Variants in EXOC1 observed in about 807,000 individuals in gnomAD.
EXOC1 encodes the protein SEC3-like 1.
Under a neutral mutation model 107.7 loss-of-function variants are expected in EXOC1, and 67 were observed. The observed-to-expected ratio is 0.62, with a 90% CI of 0.51 to 0.76. The LOEUF is 0.76. Ranked by LOEUF, EXOC1 falls within the 30% of genes least tolerant of loss-of-function variation. The pLI is 0.00. For missense variants in EXOC1, 833 were observed against 1,055.7 expected, an observed-to-expected ratio of 0.79 and a Z score of 2.92; for synonymous variants, 348 against 353.5, an observed-to-expected ratio of 0.98 and a Z score of 0.17.
rs1240682944 is a variant in EXOC1, at chr4:55,860,458, T to A, written c.172T>A (p.Ser58Thr). The A allele has an allele frequency of 1.2e-6, 2 of 1,613,846 alleles. No homozygotes were observed. Among genetic ancestry groups the A allele is most frequent in the Non-Finnish European group, 1.7e-6 (2 of 1,179,922 alleles). ...GGTTAAGGTGGTCAAAGTCAAGAAA[T>A]CCGATAAGGGAGATTTCTACAAAAG... ...VQVKVVKVKKSDKGDFYKRQI... is the reference protein window; with the variant it reads ...VQVKVVKVKKTDKGDFYKRQI... Residue 58 changes from serine to threonine, a missense_variant, in exon 3 of 19, where the codon TCC (serine) becomes ACC (threonine). Around this residue, in one of 2 missense-constraint regions of EXOC1, gnomAD observed 617 missense variants for 701.3 expected, o/e 0.88. Coordinates refer to ENST00000381295, the MANE Select transcript of EXOC1 (RefSeq NM_001024924.2).
chr4:55,872,911 A>C (rs770706660), intron 8 of EXOC1: 1 of 343,732 alleles, frequency 2.9e-6, no homozygotes, highest in African/African-American at 2.2e-5. Context: ...ATTATAACTT[A>C]CTGATTTAAG....
intron 14 of EXOC1, among the ~76,000 whole-genome samples, chr4:55,893,000 A>G (rs185484435): frequency 1.3e-5 from 2 of 152,328 alleles, no homozygotes; most frequent in Non-Finnish European, 2.9e-5. Flanking sequence ...CACAAAGCAC[A>G]TTTCATGACC....
At chr4:55,899,915 A>T in intron 17 of EXOC1, 31 bp downstream of exon 17, 1 of 1,577,022 alleles carries the variant, frequency 6.3e-7, no homozygotes, top group Non-Finnish European at 8.6e-7. Flanking sequence ...TATTTTTCCT[A>T]CTTTTGAACC....
chr4:55,884,139 CTG>C (rs1167032560), intron 10 of EXOC1, among the ~76,000 whole-genome samples: 6 of 152,144 alleles, frequency 3.9e-5, no homozygotes, highest in Admixed American at 3.9e-4. Flanking sequence ...CAGTATGTGA[CTG>C]TGACAGCGAT....
chr4:55,896,174 C>A (rs867412587), intron 15 of EXOC1, among the ~76,000 whole-genome samples: 46 of 152,110 alleles, frequency 3.0e-4, no homozygotes, highest in Middle Eastern at 3.4e-3. Context: ...TTTTTTGAGA[C>A]AGTCTTGCTC....
Position 55,860,518 on chromosome 4 carries a change from G to A in EXOC1, c.232G>A (p.Val78Ile), listed in dbSNP as rs375223350. The A allele has an allele frequency of 4.3e-6, 7 of 1,613,996 alleles. No individual in the cohort carries two copies. The highest frequency in any genetic ancestry group is 3.3e-5 in the Admixed American group (2 of 60,018). ...IAWALRDLAV[V>I]DAKDAIKENP... ...ATGGGCCCTTCGAGATCTTGCTGTGGTAGATGCCAAAGATGCTATCAAAGT... is the reference window on the plus strand; with the variant it reads ...ATGGGCCCTTCGAGATCTTGCTGTGATAGATGCCAAAGATGCTATCAAAGT... The change falls in exon 3 of 19, where the codon GTA (valine) becomes ATA (isoleucine). Residue 78 changes from valine to isoleucine, a missense_variant. By Grantham distance (29) the Val-to-Ile change is conservative. Around this residue, in one of 2 missense-constraint regions of EXOC1, gnomAD observed 617 missense variants for 701.3 expected, o/e 0.88. Coordinates refer to ENST00000381295, the MANE Select transcript of EXOC1 (RefSeq NM_001024924.2).
In EXOC1 at chr4:55,904,326, T is replaced by A; in HGVS notation, c.2533-17T>A. On this transcript the variant is annotated splice_polypyrimidine_tract_variant and intron_variant, in intron 18 of 18. Transcript: ENST00000381295. ...TATTTCCATTCATAGCCTAATGACT[T>A]TTTTTTTTAATAATAGGTGGTGTGG... 1 of 1,564,588 alleles carries A rather than the reference T, an allele frequency of 6.4e-7. No homozygotes were observed. Among genetic ancestry groups the A allele is most frequent in the African/African-American group, 1.4e-5 (1 of 70,630 alleles).
At chr4:55,859,835 G>T (rs1370350405) in intron 2 of EXOC1, among the ~76,000 whole-genome samples, 3 of 152,090 alleles carry the variant, frequency 2.0e-5, no homozygotes, top group African/African-American at 4.8e-5. Flanking sequence ...GTATATAATT[G>T]TACTTGGTTT....
At chr4:55,904,007 A>G (rs1254877168) in intron 18 of EXOC1, among the ~76,000 whole-genome samples, 4 of 152,146 alleles carry the variant, frequency 2.6e-5, no homozygotes, top group Non-Finnish European at 5.9e-5. Flanking sequence ...ATTGGAGTAT[A>G]TAAGATAATA....
chr4:55,855,015 C>T (rs186825692), intron 1 of EXOC1, among the ~76,000 whole-genome samples: 5 of 152,200 alleles, frequency 3.3e-5, no homozygotes, highest in Admixed American at 2.6e-4. Flanking sequence ...TTCATGTAAA[C>T]CATGAAGTGT....
Position 55,888,937 on chromosome 4 carries a change from G to C in EXOC1, c.1375+5G>C. The C allele has an allele frequency of 6.2e-7, 1 of 1,613,290 alleles. No homozygotes were observed. Among genetic ancestry groups the C allele is most frequent in the South Asian group, 1.1e-5 (1 of 91,056 alleles). Reference sequence around the variant, plus strand: ...CTGTCAAACAGGAAACAGAGAGTGAGTATGCTTAGTGTATTAGTAGGTATT... The same window carrying C: ...CTGTCAAACAGGAAACAGAGAGTGACTATGCTTAGTGTATTAGTAGGTATT... On this transcript the variant is annotated splice_donor_5th_base_variant and intron_variant, in intron 11 of 18. Coordinates refer to ENST00000381295, the MANE Select transcript of EXOC1 (RefSeq NM_001024924.2).
At chr4:55,875,451 G>A in intron 8 of EXOC1, 2 of 982,596 alleles carry the variant, frequency 2.0e-6, no homozygotes, top group Non-Finnish European at 2.4e-6. Flanking sequence ...TGACCCCAAT[G>A]TATCATTTCT....
At chr4:55,895,136 T>C (rs1358542477) in intron 15 of EXOC1, among the ~76,000 whole-genome samples, 1 of 152,212 alleles carries the variant, frequency 6.6e-6, no homozygotes, top group Non-Finnish European at 1.5e-5. Flanking sequence ...TCTGTATATC[T>C]TATTTCAATA....
chr4:55,858,384 CT>C lies in EXOC1; in HGVS notation c.62del (p.Leu21ArgfsTer4). On this transcript the variant is annotated frameshift_variant, in exon 2 of 19. Coordinates refer to ENST00000381295, the MANE Select transcript of EXOC1 (RefSeq NM_001024924.2). LOFTEE classifies it high-confidence loss of function. The stretch of plus-strand genomic sequence containing the variant: ...TTTTACACCAAATGATGAACGCCTG[CT>C]GAGCATTGTGAATGTCTGCAAAGCA... ...DIFTPNDERL[L>X]SIVNVCKAGK... 1 of 1,610,660 alleles carries C rather than the reference CT, an allele frequency of 6.2e-7. No homozygotes were observed. Among genetic ancestry groups the C allele is most frequent in the Non-Finnish European group, 8.5e-7 (1 of 1,178,534 alleles).
In EXOC1 at chr4:55,878,045, A is replaced by G; in HGVS notation, c.1203A>G (p.Gly401=). 6.2e-7 allele frequency: 1 copy of G among 1,613,392 alleles called. No individual in the cohort carries two copies. The highest frequency in any genetic ancestry group is 8.5e-7 in the Non-Finnish European group (1 of 1,179,668). The change falls in exon 9 of 19, where the codon GGA becomes GGG. Residue 401 remains glycine (G), a synonymous_variant. Transcript: ENST00000381295. ...AGTGGCTAAAGAGTACAGATTATGG[A>G]AAATATGAAGGACTAACAAAGGTAT... ...LMEWLKSTDY[G]KYEGLTKNYM...
intron 3 of EXOC1, among the ~76,000 whole-genome samples, chr4:55,860,971 AAAG>A (rs1282533857): frequency 1.3e-4 from 20 of 152,092 alleles, no homozygotes; most frequent in African/African-American, 4.3e-4. Context: ...AAAAAAAAAA[AAAG>A]AAATGATAGT....
intron 1 of EXOC1, among the ~76,000 whole-genome samples, chr4:55,857,168 C>CTTTTTTTTTTTTTTTTTTTTTTTTTTTT (rs71192052): frequency 9.1e-5 from 6 of 65,742 alleles, no homozygotes; most frequent in East Asian, 4.7e-4. Flanking sequence ...TCCTTTTTTT[C>CTTTTTTTTTTTTTTTTTTTTTTTTTTTT]TTTTTTTTTT....
chr4:55,878,141 C>CCCCAAGTT (rs1723067810), intron 9 of EXOC1, 75 bp downstream of exon 9: 1 of 1,513,042 alleles, frequency 6.6e-7, no homozygotes. Context: ...GTGTTCAGTT[C>CCCCAAGTT]CCCAAGTTTA....
At chr4:55,885,386 A>G (rs1723776447) in intron 10 of EXOC1, among the ~76,000 whole-genome samples, 1 of 152,220 alleles carries the variant, frequency 6.6e-6, no homozygotes, top group Admixed American at 6.5e-5. Context: ...TCTTAATGTT[A>G]TCATTGCATT....
Sources: gnomAD v4.1 joint callset for allele counts (sites outside exome capture counted in the v4.1 genomes callset) on GRCh38, gnomAD v4.1.1 for gene constraint, gnomAD v4.1.1 regional missense constraint, MANE v1.5 for transcripts, NCBI Gene and HGNC (gene_info 2026-07-23, HGNC 2026-07-21) for gene names.